REXO4: variants seen among roughly 807,000 people sequenced by gnomAD.
REXO4 encodes the protein RNA exonuclease 4, also known as REX4 homolog, 3'-5' exonuclease.
Under a neutral mutation model 39.9 loss-of-function variants are expected in REXO4, and 29 were observed. The observed-to-expected ratio is 0.73, with a 90% CI of 0.54 to 0.99. REXO4 has a LOEUF of 0.99. REXO4 is among the 50% of genes least tolerant of loss of function. The pLI is 0.00. For synonymous variants in REXO4, 184 were observed against 206.2 expected, an observed-to-expected ratio of 0.89 and a Z score of 0.92; for missense variants, 524 against 546.5, an observed-to-expected ratio of 0.96 and a Z score of 0.41.
At chr9:133,414,488 G>A (rs782454773) in intron 2 of REXO4, 177 bp downstream of exon 2, 2 of 719,906 alleles carry the variant, frequency 2.8e-6, no homozygotes, top group South Asian at 1.5e-5. Flanking sequence ...AGCAGGCCCT[G>A]CCTTATCATG....
chr9:133,415,029 A>C lies in REXO4; in HGVS notation c.226-18T>G, dbSNP rs1472702227. On this transcript the variant is annotated intron_variant, in intron 1 of 7. Coordinates refer to ENST00000371942, the MANE Select transcript of REXO4 (RefSeq NM_020385.4). ...AGCAGCCACTGGGACCCAAAATAAA[A>C]TACATGCTGCATTTGAATTTGGAAA... is the stretch of plus-strand genomic sequence containing the variant. 4.5e-6 allele frequency: 7 copies of C among 1,563,620 alleles called. No homozygotes were observed. The highest frequency in any genetic ancestry group is 6.0e-6 in the Non-Finnish European group (7 of 1,161,986).
intron 1 of REXO4, among the ~76,000 whole-genome samples, 158 bp downstream of exon 1, chr9:133,417,462 C>A (rs919490840): frequency 2.0e-5 from 3 of 152,236 alleles, no homozygotes; most frequent in African/African-American, 7.2e-5. Context: ...AGTTCGAGAC[C>A]TCCCTCAACA....
chr9:133,416,092 A>G (rs1839580738), intron 1 of REXO4, among the ~76,000 whole-genome samples: 2 of 152,226 alleles, frequency 1.3e-5, no homozygotes. Context: ...TGCAGGTTGT[A>G]CAAGAAGCAT....
At chr9:133,411,841 G>C (rs905438463) in intron 4 of REXO4, among the ~76,000 whole-genome samples, 1 of 151,950 alleles carries the variant, frequency 6.6e-6, no homozygotes. Flanking sequence ...CAGGAGAATC[G>C]CTTGAACCCA....
At position 133,408,930 on chromosome 9, in the gene REXO4, A is replaced by T. The variant is rs905679053; in HGVS notation, c.1000-88T>A. 5 of 529,894 alleles carry T rather than the reference A, an allele frequency of 9.4e-6. No homozygotes were observed. In the African/African-American group the frequency reaches 1.0e-4, roughly 11 times the overall value. The allele number at this position is 529,894 out of a possible 1,614,324, so 32.8% of individuals were successfully genotyped here. A position where few individuals can be genotyped will look rare whatever the true frequency, so the allele number is the denominator to read the frequency against. ...CCCCCCGCCACCTTTTGCAAGTAACATCTTTGTGTGTGTGTGTGTGTGTGT... is the reference window on the plus strand; with the variant it reads ...CCCCCCGCCACCTTTTGCAAGTAACTTCTTTGTGTGTGTGTGTGTGTGTGT... On this transcript the variant is annotated intron_variant, in intron 5 of 7. Coordinates refer to ENST00000371942, the MANE Select transcript of REXO4 (RefSeq NM_020385.4).
chr9:133,406,584 T>C lies in REXO4; in HGVS notation c.*369A>G. On this transcript the variant is annotated 3_prime_UTR_variant, in exon 8 of 8. Transcript: ENST00000371942. ...ATGTGGCTCCTCGAGAGGAAGGTGC[T>C]GAGCACCTCACCCCAGGGTGTCACC... The C allele has an allele frequency of 7.3e-6, 2 of 272,880 alleles. No individual in the cohort carries two copies. The allele number at this position is 272,880 out of a possible 1,614,324, so 16.9% of individuals were successfully genotyped here. A position where few individuals can be genotyped will look rare whatever the true frequency, so the allele number is the denominator to read the frequency against.
intron 1 of REXO4, 126 bp downstream of exon 1, chr9:133,417,494 C>G (rs1451818273): frequency 2.2e-5 from 21 of 966,532 alleles, no homozygotes; most frequent in Non-Finnish European, 3.1e-5. Context: ...TTGTGAAAAG[C>G]TGTTTACAAG....
chr9:133,415,355 AT>A (rs1554781339), intron 1 of REXO4, among the ~76,000 whole-genome samples: 1 of 151,630 alleles, frequency 6.6e-6, no homozygotes, highest in African/African-American at 2.4e-5. Flanking sequence ...TCTAGAAAGA[AT>A]TTTGGAGTTA....
chr9:133,414,492 TATC>T (rs1839434630), intron 2 of REXO4, 170 bp downstream of exon 2: 1 of 725,720 alleles, frequency 1.4e-6, no homozygotes, highest in Non-Finnish European at 2.5e-6. Flanking sequence ...GGCCCTGCCT[TATC>T]ATGCGCACAC....
At chr9:133,408,025 T>C (rs77638329) in intron 6 of REXO4, 144 bp from the exon 7 acceptor site, 21,184 of 611,164 alleles carry the variant, frequency 0.035, 492 homozygotes, top group South Asian at 0.072. Flanking sequence ...TCATGGCACT[T>C]AGGGTGGTAG....
At chr9:133,409,765 G>A (rs1839114831) in intron 5 of REXO4, among the ~76,000 whole-genome samples, 1 of 152,100 alleles carries the variant, frequency 6.6e-6, no homozygotes, top group South Asian at 2.1e-4. Flanking sequence ...TCTCCCCTAT[G>A]TTACTCAGGC....
chr9:133,416,892 T>C (rs191393358), intron 1 of REXO4, among the ~76,000 whole-genome samples: 80 of 152,310 alleles, frequency 5.3e-4, no homozygotes, highest in Admixed American at 1.3e-3. Flanking sequence ...AGGAGCTCAA[T>C]TAGTATTTAC....
At position 133,408,832 on chromosome 9, in the gene REXO4, A is replaced by G; in HGVS notation, c.1010T>C (p.Leu337Pro). The G allele has an allele frequency of 3.8e-6, 6 of 1,588,276 alleles. No individual in the cohort carries two copies. The highest frequency in any genetic ancestry group is 5.2e-6 in the Non-Finnish European group (6 of 1,158,824). ...CCGAATCTTCTTTTTTGGATGATCA[A>G]GAAATAGTACCTAGAAAAATAAAAT... is the stretch of plus-strand genomic sequence containing the variant. ...ALHNDLKVLF[L>P]DHPKKKIRDT... Residue 337 changes from leucine to proline, a missense_variant, in exon 6 of 8, where the codon CTT becomes CCT. Physicochemically the swap from Leu to Pro is moderately conservative, Grantham distance 98 (BLOSUM62 -3). Transcript: ENST00000371942.
chr9:133,410,994 A>C lies in REXO4; in HGVS notation c.990T>G (p.Asn330Lys). Reference protein sequence around the residue: ...GRILVGHALHNDLKVLFLDHP... With the variant: ...GRILVGHALHKDLKVLFLDHP... ...GGAGAGAGCCCAGTACCTTTAGGTC[A>C]TTATGCAGAGCGTGCCCCACTAGAA... The change falls in exon 5 of 8, where the codon AAT (asparagine) becomes AAG (lysine). Residue 330 changes from asparagine (N) to lysine (K), a missense_variant. Asn to Lys is a moderately conservative substitution (Grantham distance 94). Transcript: ENST00000371942. 2 of 1,613,962 alleles carry C rather than the reference A, an allele frequency of 1.2e-6. No individual in the cohort carries two copies. Among genetic ancestry groups the C allele is most frequent in the Non-Finnish European group, 1.7e-6 (2 of 1,179,800 alleles).
At chr9:133,412,629 A>G in intron 3 of REXO4, 137 bp from the exon 4 acceptor site, 1 of 1,399,492 alleles carries the variant, frequency 7.1e-7, no homozygotes, top group Non-Finnish European at 9.8e-7. Context: ...CCACGTGACA[A>G]GCTCTGTGTG....
chr9:133,414,570 A>T, intron 2 of REXO4, 95 bp downstream of exon 2: 2 of 1,047,136 alleles, frequency 1.9e-6, no homozygotes, highest in Non-Finnish European at 3.0e-6. Flanking sequence ...AAAGTGATGG[A>T]GAGACTGCGG....
rs2130753325 is a variant in REXO4 at position 133,417,879 on chromosome 9, C to T, written c.-35G>A. The T allele has an allele frequency of 3.8e-6, 6 of 1,585,796 alleles. No individual in the cohort carries two copies. The highest frequency in any genetic ancestry group is 5.1e-6 in the Non-Finnish European group (6 of 1,172,360). On this transcript the variant is annotated 5_prime_UTR_variant, in exon 1 of 8. Coordinates refer to ENST00000371942, the MANE Select transcript of REXO4 (RefSeq NM_020385.4). ...GTCCAGCGCCTGGGCCGGCGGCCAC[C>T]CGAGACCCCGGCCTCCCCGGGCCCG...
intron 5 of REXO4, 122 bp from the exon 6 acceptor site, chr9:133,408,964 GT>G: frequency 1.9e-6 from 1 of 527,278 alleles, no homozygotes; most frequent in Non-Finnish European, 3.4e-6. Flanking sequence ...GTGTGTGTGT[GT>G]GTGTGTGTGT....
At chr9:133,413,907 G>A (rs1168523215) in intron 2 of REXO4, among the ~76,000 whole-genome samples, 1 of 152,150 alleles carries the variant, frequency 6.6e-6, no homozygotes, top group African/African-American at 2.4e-5. Flanking sequence ...CACAACACAG[G>A]GAGGCCCCCA....
Sources: gnomAD v4.1 joint callset for allele counts (sites outside exome capture counted in the v4.1 genomes callset) on GRCh38, gnomAD v4.1.1 for gene constraint, MANE v1.5 for transcripts, NCBI Gene and HGNC (gene_info 2026-07-23, HGNC 2026-07-21) for gene names.